Variants in TPRA1 observed in about 807,000 individuals in gnomAD.
TPRA1 encodes the protein transmembrane protein adipocyte-associated 1.
A neutral mutation model predicts 40.1 loss-of-function variants in TPRA1; 28 were observed. The observed-to-expected ratio is 0.70, with a 90% CI of 0.52 to 0.96. TPRA1 has a LOEUF of 0.96. Among genes scored for constraint, TPRA1 ranks in the 40% least tolerant of loss-of-function variants. The pLI is 0.00. For synonymous variants in TPRA1, 219 were observed against 209.7 expected (o/e 1.04, Z -0.38); for missense variants, 441 against 482.6 (o/e 0.91, Z 0.81).
At position 127,571,636 on chromosome 3, in the gene TPRA1, G is replaced by C. The variant is rs2073378460; in HGVS notation, c.*1885C>G. The C allele has an allele frequency of 1.3e-5, 2 of 152,206 alleles. No individual in the cohort carries two copies. The highest frequency in any genetic ancestry group is 6.5e-5 in the Admixed American group (1 of 15,280). 9.4% of individuals were successfully genotyped at this position (152,206 alleles called of 1,614,324 possible). A position where few individuals can be genotyped will look rare whatever the true frequency, so the allele number is the denominator to read the frequency against. ...CTACAGGACATTAGCATTACAGAAA[G>C]AGGGATGATATACACATCCGTTGGT... On this transcript the variant is annotated 3_prime_UTR_variant, in exon 11 of 11. Coordinates refer to ENST00000355552, the MANE Select transcript of TPRA1 (RefSeq NM_001136053.4).
rs756168143 is a variant in TPRA1 at position 127,575,250 on chromosome 3, TGTGG to T, written c.785_788del (p.Ala262GlufsTer245). ...CGAAGAAGCTGAAGTACAGGAAGGT[TGTGG>T]CATCTACACAGCTGCGGAGAAGGCG... On this transcript the variant is annotated frameshift_variant, in exon 10 of 11. Coordinates refer to ENST00000355552, the MANE Select transcript of TPRA1 (RefSeq NM_001136053.4). LOFTEE classifies it high-confidence loss of function. 1 of 1,613,706 alleles carries T rather than the reference TGTGG, an allele frequency of 6.2e-7. No homozygotes were observed. Among genetic ancestry groups the T allele is most frequent in the Non-Finnish European group, 8.5e-7 (1 of 1,179,832 alleles).
intron 3 of TPRA1, among the ~76,000 whole-genome samples, chr3:127,579,023 C>A (rs904464194): frequency 2.0e-5 from 3 of 152,102 alleles, no homozygotes; most frequent in African/African-American, 7.2e-5. Context: ...GGACAGCCCA[C>A]ACCTGAAGCC....
At chr3:127,579,978 C>G in intron 2 of TPRA1, 44 bp downstream of exon 2, 12 of 1,611,202 alleles carry the variant, frequency 7.4e-6, no homozygotes, top group Non-Finnish European at 1.0e-5. Context: ...CCAGGAAAAG[C>G]CACTGACACT....
At position 127,575,246 on chromosome 3, in the gene TPRA1, AGG is replaced by A; in HGVS notation, c.791_792del (p.Thr264IlefsTer85). On this transcript the variant is annotated frameshift_variant, in exon 10 of 11. Coordinates refer to ENST00000355552, the MANE Select transcript of TPRA1 (RefSeq NM_001136053.4). LOFTEE classifies it high-confidence loss of function. ...GGAGCGAAGAAGCTGAAGTACAGGA[AGG>A]TTGTGGCATCTACACAGCTGCGGAG... is the stretch of plus-strand genomic sequence containing the variant. Reference protein sequence around the residue: ...IEGLCCVDATTFLYFSFFAPL... With the variant: ...IEGLCCVDATXFLYFSFFAPL... 2 of 1,613,850 alleles carry A rather than the reference AGG, an allele frequency of 1.2e-6. No homozygotes were observed. Among genetic ancestry groups the A allele is most frequent in the East Asian group, 4.5e-5 (2 of 44,834 alleles).
chr3:127,575,039 TG>T (rs1036369569), intron 10 of TPRA1, 145 bp downstream of exon 10: 7 of 816,430 alleles, frequency 8.6e-6, no homozygotes, highest in East Asian at 5.3e-5. Context: ...TATCTGTATG[TG>T]TGTGCCCAAG....
intron 1 of TPRA1, among the ~76,000 whole-genome samples, chr3:127,589,815 C>T (rs1425535634): frequency 6.6e-6 from 1 of 152,212 alleles, no homozygotes; most frequent in Admixed American, 6.5e-5. Flanking sequence ...ACGACACGAG[C>T]CCTCAACAGG....
At chr3:127,575,163 G>A (rs1170739589) in intron 10 of TPRA1, 22 bp downstream of exon 10, 1 of 1,610,380 alleles carries the variant, frequency 6.2e-7, no homozygotes, top group Non-Finnish European at 8.5e-7. Flanking sequence ...CCACGCGGGG[G>A]CGCCGGCGGC....
rs374482475 is a variant in TPRA1, at chr3:127,576,810, G to A, written c.418+11C>T. 186 of 1,613,784 alleles carry A rather than the reference G, an allele frequency of 1.2e-4. No homozygotes were observed. The highest frequency in any genetic ancestry group is 1.6e-4 in the Middle Eastern group (1 of 6,062). The stretch of plus-strand genomic sequence containing the variant: ...CATCGCCAGGGCCCAAGAGCCCAGC[G>A]GTACACACACCAAAGGCCAGGCCCA... On this transcript the variant is annotated intron_variant, in intron 5 of 10. Transcript: ENST00000355552. The surrounding 1 kb of genome is among the most constrained non-coding windows in gnomAD (Gnocchi z 4.6).
chr3:127,575,206 G>A lies in TPRA1; in HGVS notation c.833C>T (p.Ala278Val). The stretch of plus-strand genomic sequence containing the variant: ...TCACCCGAAGAAGCCCCGGAGGAAA[G>A]CCACGTAGATGAGCGGAGCGAAGAA... ...FSFFAPLIYV[A>V]FLRGFFGSEP... The change falls in exon 10 of 11, where the codon GCT (alanine) becomes GTT (valine). Residue 278 changes from alanine to valine, a missense_variant. By Grantham distance (64) the Ala-to-Val change is moderately conservative (BLOSUM62 0). Coordinates refer to ENST00000355552, the MANE Select transcript of TPRA1 (RefSeq NM_001136053.4). 6.2e-7 allele frequency: 1 copy of A among 1,614,046 alleles called. No individual in the cohort carries two copies. Among genetic ancestry groups the A allele is most frequent in the South Asian group, 1.1e-5 (1 of 91,088 alleles).
chr3:127,586,131 G>A (rs940141394), intron 1 of TPRA1, among the ~76,000 whole-genome samples: 4 of 152,328 alleles, frequency 2.6e-5, no homozygotes, highest in African/African-American at 9.6e-5. Flanking sequence ...ATCTGTGCCT[G>A]TGTGGGGTGT....
rs546186819 is a variant in TPRA1, at chr3:127,589,403, C to T, written c.-18+1007G>A. Among the ~76,000 whole-genome samples, 22 of 146,464 alleles carry T rather than the reference C, an allele frequency of 1.5e-4. No individual in the cohort carries two copies. In the East Asian group the frequency reaches 4.6e-3, roughly 31 times the overall value. On this transcript the variant is annotated intron_variant, in intron 1 of 10. Transcript: ENST00000355552. ...ACCGACGGGTTGTTGAGCTTACAAA[C>T]CCTAGGGCCTAAGGGTGGTGAGAAG...
At chr3:127,598,156 C>T in exon 1 of TPRA1, 1 of 488,254 alleles carries the variant, frequency 2.0e-6, no homozygotes, top group Non-Finnish European at 3.7e-6. Context: ...GTCACGCAGC[C>T]AGCAAGTGTC....
intron 1 of TPRA1, among the ~76,000 whole-genome samples, chr3:127,596,388 T>C (rs1476161284): frequency 6.6e-6 from 1 of 152,184 alleles, no homozygotes; most frequent in African/African-American, 2.4e-5. Context: ...CATCCCAGGA[T>C]AATTTTTTAT....
chr3:127,585,275 A>G (rs1416917723), intron 1 of TPRA1, among the ~76,000 whole-genome samples: 1 of 152,236 alleles, frequency 6.6e-6, no homozygotes, highest in East Asian at 1.9e-4. Context: ...ATCCAGATGC[A>G]CAAGTCCAGA....
At chr3:127,589,093 T>C (rs1391273509) in intron 1 of TPRA1, among the ~76,000 whole-genome samples, 2 of 151,924 alleles carry the variant, frequency 1.3e-5, no homozygotes, top group African/African-American at 4.8e-5. Context: ...ACAGGGAAAC[T>C]GGGACAGACT....
upstream of TPRA1, among the ~76,000 whole-genome samples, chr3:127,592,231 T>A (rs1053665232): frequency 2.0e-5 from 3 of 152,186 alleles, no homozygotes; most frequent in Non-Finnish European, 4.4e-5. Context: ...ACTGCCACCC[T>A]ACCATGTGCC....
At chr3:127,575,018 A>G in intron 10 of TPRA1, 167 bp downstream of exon 10, 1 of 705,550 alleles carries the variant, frequency 1.4e-6, no homozygotes, top group Non-Finnish European at 2.4e-6. Context: ...ATCTGTGTGC[A>G]TGTGCATGTG....
intron 3 of TPRA1, among the ~76,000 whole-genome samples, chr3:127,577,480 T>C (rs2073681958): frequency 1.3e-5 from 2 of 152,094 alleles, no homozygotes; most frequent in African/African-American, 4.8e-5. Flanking sequence ...CTGTGTTTGA[T>C]TGTTGGGTCA....
At chr3:127,579,253 G>A (rs1252887686) in intron 3 of TPRA1, among the ~76,000 whole-genome samples, 2 of 152,240 alleles carry the variant, frequency 1.3e-5, no homozygotes, top group Non-Finnish European at 1.5e-5. Context: ...GATGGAGGAT[G>A]CAGTGGGCAT....
Sources: allele counts gnomAD v4.1 joint callset (sites outside exome capture counted in the v4.1 genomes callset), GRCh38; gene constraint gnomAD v4.1.1; non-coding constraint Gnocchi (gnomAD v3.1); transcripts MANE v1.5; gene names NCBI Gene and HGNC (gene_info 2026-07-23, HGNC 2026-07-21).